The following ARMC3 variants were observed in gnomAD, a reference collection of about 807,000 sequenced individuals.
ARMC3 encodes armadillo repeat-containing protein 3.
In ARMC3, 74 loss-of-function variants were observed where a neutral mutation model predicts 90.3. The ratio of observed to expected loss-of-function variants is 0.82; its 90% CI spans 0.68 to 0.99. The LOEUF is 0.99. ARMC3 is among the 50% of genes least tolerant of loss of function. The pLI, the probability that ARMC3 is intolerant of heterozygous loss-of-function variation, is 0.00. For missense variants in ARMC3, 958 were observed against 1,042.8 expected, an observed-to-expected ratio of 0.92 and a Z score of 1.12; for synonymous variants, 334 against 361.8, an observed-to-expected ratio of 0.92 and a Z score of 0.87.
chr10:22,975,649 T>A (rs1835888204), intron 8 of ARMC3, among the ~76,000 whole-genome samples: 1 of 152,176 alleles, frequency 6.6e-6, no homozygotes, highest in Non-Finnish European at 1.5e-5. Context: ...CATATATGAT[T>A]TTTTTGCTGT....
At chr10:23,021,301 A>G (rs1012077534) in intron 16 of ARMC3, among the ~76,000 whole-genome samples, 7 of 152,148 alleles carry the variant, frequency 4.6e-5, no homozygotes, top group African/African-American at 1.7e-4. Flanking sequence ...TTTTGGTACA[A>G]TGATTTATTT....
At chr10:22,963,470 TCTC>T (rs1209602973) in intron 7 of ARMC3, among the ~76,000 whole-genome samples, 1 of 152,070 alleles carries the variant, frequency 6.6e-6, no homozygotes, top group Non-Finnish European at 1.5e-5. Flanking sequence ...TCAAAATTCT[TCTC>T]CACATCCTCA....
At chr10:22,964,990 C>G (rs1469421363) in intron 7 of ARMC3, among the ~76,000 whole-genome samples, 3 of 152,104 alleles carry the variant, frequency 2.0e-5, no homozygotes, top group Admixed American at 2.0e-4. Context: ...CCATTACAAA[C>G]CCAACAATAC....
At position 22,985,629 on chromosome 10, in the gene ARMC3, T is replaced by C. The variant is rs965305917; in HGVS notation, c.1175+3929T>C. On this transcript the variant is annotated intron_variant, in intron 10 of 18. Transcript: ENST00000298032. ...TTTTTGCTTCTCAGAGGCCATTCCC[T>C]ACCCCCACAGATAATTCTCGTGTAT... 4.6e-5 allele frequency among the ~76,000 whole-genome samples: 7 copies of C among 152,212 alleles called. 1 individual carries two copies. Among genetic ancestry groups the C allele is most frequent in the Admixed American group, 4.6e-4 (7 of 15,282 alleles).
At position 22,974,770 on chromosome 10, in the gene ARMC3, G is replaced by A. The variant is rs140629879; in HGVS notation, c.916+6281G>A. On this transcript the variant is annotated intron_variant, in intron 8 of 18. Coordinates refer to ENST00000298032, the MANE Select transcript of ARMC3 (RefSeq NM_173081.5). ...TGATTCTCTTGCCCCAGCCTCCCAAGTAGCTGGGATTATAGGTGCGTGCCA... is the reference window on the plus strand; with the variant it reads ...TGATTCTCTTGCCCCAGCCTCCCAAATAGCTGGGATTATAGGTGCGTGCCA... Among the ~76,000 whole-genome samples the A allele has an allele frequency of 3.1e-3, 471 of 152,206 alleles. 6 individuals carry two copies. The highest frequency in any genetic ancestry group is 0.01 in the African/African-American group (431 of 41,512).
At chr10:23,031,167 T>G (rs942321626) in intron 17 of ARMC3, 3 of 182,256 alleles carry the variant, frequency 1.6e-5, no homozygotes, top group Non-Finnish European at 3.5e-5. Flanking sequence ...TGTGAATTAT[T>G]TGTAAACTGA....
At chr10:22,958,390 A>G (rs537082408) in intron 4 of ARMC3, among the ~76,000 whole-genome samples, 1 of 152,358 alleles carries the variant, frequency 6.6e-6, no homozygotes, top group Admixed American at 6.5e-5. Flanking sequence ...TACAAGATTT[A>G]TTAAAATCAG....
At chr10:22,997,828 T>C (rs917702098) in intron 10 of ARMC3, among the ~76,000 whole-genome samples, 1 of 152,136 alleles carries the variant, frequency 6.6e-6, no homozygotes, top group Non-Finnish European at 1.5e-5. Flanking sequence ...ATAAAAATAA[T>C]AATAATAATG....
intron 8 of ARMC3, among the ~76,000 whole-genome samples, chr10:22,974,597 A>G (rs953108293): frequency 1.3e-5 from 2 of 151,958 alleles, no homozygotes; most frequent in African/African-American, 2.4e-5. Context: ...TCTAAGATCA[A>G]TAAGAGGTTA....
At chr10:23,037,050 C>A (rs1203139831) in intron 18 of ARMC3, among the ~76,000 whole-genome samples, 1 of 152,230 alleles carries the variant, frequency 6.6e-6, no homozygotes, top group Non-Finnish European at 1.5e-5. Context: ...GACTTCCCAG[C>A]AGGACCTACA....
intron 3 of ARMC3, among the ~76,000 whole-genome samples, chr10:22,953,513 T>C (rs1588835894): frequency 1.3e-5 from 2 of 152,286 alleles, no homozygotes; most frequent in Non-Finnish European, 2.9e-5. Flanking sequence ...AAAGTAGGAA[T>C]AGATATAAAC....
At chr10:23,013,661 C>A (rs902287061) in intron 16 of ARMC3, among the ~76,000 whole-genome samples, 7 of 152,114 alleles carry the variant, frequency 4.6e-5, no homozygotes, top group Non-Finnish European at 1.0e-4. Context: ...GTCATGTGTA[C>A]AATACAGTGT....
chr10:23,021,519 G>C (rs1838514513), intron 16 of ARMC3, among the ~76,000 whole-genome samples: 1 of 152,136 alleles, frequency 6.6e-6, no homozygotes, highest in Non-Finnish European at 1.5e-5. Flanking sequence ...ATTCTAACTG[G>C]TGTGAGACGG....
Position 22,976,431 on chromosome 10 carries a change from G to A in ARMC3, c.917-4909G>A, listed in dbSNP as rs368163304. The stretch of plus-strand genomic sequence containing the variant: ...AGAGGCATTTTCAGTCCTTTTTAAC[G>A]TGACCTCTGGGTGGGAATCCACACT... On this transcript the variant is annotated intron_variant, in intron 8 of 18. Transcript: ENST00000298032. Among the ~76,000 whole-genome samples, 8 of 152,168 alleles carry A rather than the reference G, an allele frequency of 5.3e-5. No individual in the cohort carries two copies. The South Asian group carries it at 6.2e-4, about 12-fold the overall frequency.
At chr10:22,971,492 G>A (rs1194692902) in intron 8 of ARMC3, among the ~76,000 whole-genome samples, 1 of 148,192 alleles carries the variant, frequency 6.7e-6, no homozygotes, top group Admixed American at 6.8e-5. Context: ...CCAGGCTGGA[G>A]TGCAGTGGTG....
chr10:23,011,009 C>T (rs545781793), intron 16 of ARMC3, among the ~76,000 whole-genome samples: 104 of 143,296 alleles, frequency 7.3e-4, no homozygotes, highest in Non-Finnish European at 1.1e-3. Flanking sequence ...CCTTCCCTTC[C>T]CTCCTCTCTC....
intron 13 of ARMC3, among the ~76,000 whole-genome samples, chr10:23,006,328 T>C (rs1331254513): frequency 1.3e-5 from 2 of 152,114 alleles, no homozygotes; most frequent in Non-Finnish European, 2.9e-5. Flanking sequence ...AATGACAGGA[T>C]TGGTCTTATT....
At chr10:22,942,889 A>T (rs968238474) in intron 2 of ARMC3, among the ~76,000 whole-genome samples, 2 of 152,376 alleles carry the variant, frequency 1.3e-5, no homozygotes, top group Admixed American at 6.5e-5. Context: ...AATATGACTT[A>T]GCTATATAAG....
chr10:22,973,994 A>G (rs7910975), intron 8 of ARMC3, among the ~76,000 whole-genome samples: 3,120 of 151,856 alleles, frequency 0.021, 110 homozygotes, highest in African/African-American at 0.072. Flanking sequence ...TCCTGACCTC[A>G]TGATCCACCC....
Sources: gnomAD v4.1 joint callset for allele counts (sites outside exome capture counted in the v4.1 genomes callset) on GRCh38, gnomAD v4.1.1 for gene constraint, MANE v1.5 for transcripts, NCBI Gene and HGNC (gene_info 2026-07-23, HGNC 2026-07-21) for gene names.